Variants in ETV5 observed in about 807,000 individuals in gnomAD.
ETV5 encodes the protein ETS variant transcription factor 5.
A neutral mutation model predicts 70.0 loss-of-function variants in ETV5; 10 were observed. The ratio of observed to expected loss-of-function variants is 0.14; its 90% confidence interval spans 0.09 to 0.24. The LOEUF is 0.24. ETV5 is among the 10% of genes least tolerant of loss of function. ETV5 has a pLI of 1.00. For synonymous variants in ETV5, 216 were observed against 242.2 expected, an observed-to-expected ratio of 0.89 and a Z score of 1.01; for missense variants, 453 against 651.2, an observed-to-expected ratio of 0.70 and a Z score of 3.31.
chr3:186,105,588 A>G lies in ETV5; in HGVS notation c.133+37T>C. The G allele has an allele frequency of 1.9e-6, 3 of 1,613,040 alleles. No homozygotes were observed. The highest frequency in any genetic ancestry group is 2.5e-6 in the Non-Finnish European group (3 of 1,178,952). On this transcript the variant is annotated intron_variant, in intron 3 of 12. Transcript: ENST00000306376. The surrounding 1 kb of genome is among the most constrained non-coding windows in gnomAD (Gnocchi z 4.5). ...TCTACACGCTACTGTCACTGGGAGC[A>G]GGGAAGCCACAACATAATCAGGGAA...
intron 9 of ETV5, among the ~76,000 whole-genome samples, chr3:186,060,146 C>T (rs1449381684): frequency 6.6e-6 from 1 of 152,172 alleles, no homozygotes; most frequent in African/African-American, 2.4e-5. Flanking sequence ...TTCAAGTTTA[C>T]GTATCTGTCA....
In ETV5 at chr3:186,057,509, A is replaced by G; in HGVS notation, c.971-18T>C. 1 of 1,599,784 alleles carries G rather than the reference A, an allele frequency of 6.3e-7. No individual in the cohort carries two copies. On this transcript the variant is annotated intron_variant, in intron 9 of 12. Coordinates refer to ENST00000306376, the MANE Select transcript of ETV5 (RefSeq NM_004454.3). This position sits in a 1 kb window ranked among gnomAD's most constrained non-coding sequence, Gnocchi z 4.9. ...TGAAAAACCTGAAAGAGAATTTAAAAGAAAGACTACGTTGCTTAACAAATT... is the reference window on the plus strand; with the variant it reads ...TGAAAAACCTGAAAGAGAATTTAAAGGAAAGACTACGTTGCTTAACAAATT...
chr3:186,053,652 GT>G (rs1365843933), intron 11 of ETV5, among the ~76,000 whole-genome samples: 2 of 152,124 alleles, frequency 1.3e-5, no homozygotes, highest in African/African-American at 4.8e-5. Flanking sequence ...TTTCCGTTCA[GT>G]TGCTTCATGT....
At chr3:186,074,217 T>G (rs1167588907) in intron 7 of ETV5, among the ~76,000 whole-genome samples, 1 of 152,144 alleles carries the variant, frequency 6.6e-6, no homozygotes, top group East Asian at 1.9e-4. Flanking sequence ...TCAATTAATT[T>G]TAAAACTCAC....
intron 7 of ETV5, among the ~76,000 whole-genome samples, chr3:186,078,842 A>G (rs1713860810): frequency 6.6e-6 from 1 of 152,170 alleles, no homozygotes; most frequent in African/African-American, 2.4e-5. Flanking sequence ...AGGGGATCAG[A>G]ACCAGACAAA....
At chr3:186,059,387 T>C (rs1713251008) in intron 9 of ETV5, among the ~76,000 whole-genome samples, 1 of 152,210 alleles carries the variant, frequency 6.6e-6, no homozygotes, top group African/African-American at 2.4e-5. Flanking sequence ...CTTGTTCTCA[T>C]GGAGCCTGCA....
Position 186,054,107 on chromosome 3 carries a change from A to T in ETV5, c.1210-1976T>A, listed in dbSNP as rs1372971107. Among the ~76,000 whole-genome samples the T allele has an allele frequency of 6.6e-6, 1 of 152,202 alleles. No homozygotes were observed. Among genetic ancestry groups the T allele is most frequent in the East Asian group, 1.9e-4 (1 of 5,188 alleles). On this transcript the variant is annotated intron_variant, in intron 11 of 12. Coordinates refer to ENST00000306376, the MANE Select transcript of ETV5 (RefSeq NM_004454.3). This position sits in a 1 kb window ranked among gnomAD's most constrained non-coding sequence, Gnocchi z 4.4. Reference sequence around the variant, plus strand: ...CTCTGGTAGCCATAGTTACTGACTCATCCTCCCGGGCCAGAGCCCTGTGAT... The same window carrying T: ...CTCTGGTAGCCATAGTTACTGACTCTTCCTCCCGGGCCAGAGCCCTGTGAT...
At position 186,047,780 on chromosome 3, in the gene ETV5, GGTTT is replaced by G. The variant is rs1712916209; in HGVS notation, c.*855_*858del. The G allele has an allele frequency of 1.6e-5, 3 of 181,848 alleles. No individual in the cohort carries two copies. Among genetic ancestry groups the G allele is most frequent in the South Asian group, 2.3e-4 (1 of 4,388 alleles). The allele number at this position is 181,848 out of a possible 1,614,324, so 11.3% of individuals were successfully genotyped here. On this transcript the variant is annotated 3_prime_UTR_variant, in exon 13 of 13. Transcript: ENST00000306376. ...AGGACACAGTGCACAGTTACCAAAA[GGTTT>G]GTTTTTGTTTTTTGTTTTTCGTTTT...
chr3:186,061,090 G>A (rs1262714514), intron 9 of ETV5, among the ~76,000 whole-genome samples: 9 of 152,176 alleles, frequency 5.9e-5, no homozygotes, highest in East Asian at 1.9e-4. Context: ...AAGTGAGTGC[G>A]AAGCAGCTAC....
At chr3:186,094,905 G>A (rs1427510482) in intron 5 of ETV5, among the ~76,000 whole-genome samples, 2 of 152,054 alleles carry the variant, frequency 1.3e-5, no homozygotes, top group African/African-American at 4.8e-5. Flanking sequence ...CTAATGCACC[G>A]CCCCCTTTCG....
chr3:186,100,276 G>C (rs1185389444), intron 5 of ETV5, among the ~76,000 whole-genome samples: 1 of 152,038 alleles, frequency 6.6e-6, no homozygotes, highest in African/African-American at 2.4e-5. Context: ...TAAACCAATG[G>C]CCTTGTTTTC....
chr3:186,087,861 C>T (rs943563001), intron 5 of ETV5, among the ~76,000 whole-genome samples: 4 of 151,114 alleles, frequency 2.6e-5, no homozygotes, highest in African/African-American at 4.9e-5. Context: ...TTAAGAAAGA[C>T]GAAACCCATC....
At chr3:186,086,071 G>A (rs976920767) in intron 5 of ETV5, among the ~76,000 whole-genome samples, 1 of 152,198 alleles carries the variant, frequency 6.6e-6, no homozygotes, top group Non-Finnish European at 1.5e-5. Context: ...ACTGAGGCAG[G>A]AAGATCTTGC....
Position 186,105,889 on chromosome 3 carries a change from T to A in ETV5, c.-21A>T. 6.2e-7 allele frequency: 1 copy of A among 1,613,306 alleles called. No homozygotes were observed. The highest frequency in any genetic ancestry group is 8.5e-7 in the Non-Finnish European group (1 of 1,179,658). ...TCCATGGTGCTTTCAGCGTCTCTAA[T>A]ACCACTTTGAGAGGTTTCAGCATTG... On this transcript the variant is annotated 5_prime_UTR_variant, in exon 2 of 13. Coordinates refer to ENST00000306376, the MANE Select transcript of ETV5 (RefSeq NM_004454.3). The surrounding 1 kb of genome is among the most constrained non-coding windows in gnomAD (Gnocchi z 4.5).
At chr3:186,064,377 G>T in intron 9 of ETV5, 40 bp downstream of exon 9, 1 of 1,556,260 alleles carries the variant, frequency 6.4e-7, no homozygotes, top group Non-Finnish European at 8.9e-7. Flanking sequence ...AGAAAGGAGA[G>T]GAGAGAGGAG....
intron 5 of ETV5, among the ~76,000 whole-genome samples, chr3:186,089,472 C>T (rs1052827809): frequency 1.3e-5 from 2 of 152,174 alleles, no homozygotes; most frequent in Non-Finnish European, 2.9e-5. Context: ...AATGAGCCCC[C>T]CAAAAGCCCT....
intron 5 of ETV5, among the ~76,000 whole-genome samples, chr3:186,098,483 A>C (rs1714367391): frequency 6.6e-6 from 1 of 152,098 alleles, no homozygotes; most frequent in Non-Finnish European, 1.5e-5. Flanking sequence ...GCTACCTATT[A>C]AGACAATTTC....
At chr3:186,095,957 C>T (rs890819154) in intron 5 of ETV5, among the ~76,000 whole-genome samples, 1 of 152,128 alleles carries the variant, frequency 6.6e-6, no homozygotes, top group Non-Finnish European at 1.5e-5. Context: ...GTGGCCGAGG[C>T]GGGACATAAA....
intron 12 of ETV5, among the ~76,000 whole-genome samples, chr3:186,050,833 A>G (rs971367303): frequency 1.3e-5 from 2 of 152,182 alleles, no homozygotes; most frequent in Non-Finnish European, 2.9e-5. Context: ...ACCTAACCCA[A>G]TCTGAAATGG....
Sources: gnomAD v4.1 joint callset for allele counts (sites outside exome capture counted in the v4.1 genomes callset) on GRCh38, gnomAD v4.1.1 for gene constraint, Gnocchi (gnomAD v3.1) non-coding constraint, MANE v1.5 for transcripts, NCBI Gene and HGNC (gene_info 2026-07-23, HGNC 2026-07-21) for gene names.